Variants in ZZEF1 observed in about 807,000 individuals in gnomAD.
ZZEF1 encodes the protein zinc finger ZZ-type and EF-hand domain containing 1.
Under a neutral mutation model 342.8 loss-of-function variants are expected in ZZEF1, and 157 were observed. The ratio of observed to expected loss-of-function variants is 0.46; its 90% CI spans 0.40 to 0.52. The LOEUF (loss-of-function observed/expected upper bound fraction) is 0.52, where lower values mean the gene tolerates loss of function less well. Among genes scored for constraint, ZZEF1 ranks in the 20% least tolerant of loss-of-function variants. The pLI is 0.00. For synonymous variants in ZZEF1, 1,505 were observed against 1,429.1 expected (o/e 1.05, Z -1.20); for missense variants, 3,480 against 3,725.6 (o/e 0.93, Z 1.72).
intron 30 of ZZEF1, among the ~76,000 whole-genome samples, chr17:4,060,907 T>A (rs190766436): frequency 6.6e-6 from 1 of 152,224 alleles, no homozygotes; most frequent in East Asian, 1.9e-4. Context: ...CTGCAAATTA[T>A]CCCCTCTCTT....
intron 25 of ZZEF1, among the ~76,000 whole-genome samples, chr17:4,071,912 T>TG (rs1450253778): frequency 6.6e-6 from 1 of 151,730 alleles, no homozygotes; most frequent in African/African-American, 2.4e-5. Flanking sequence ...TGGTGGGCTG[T>TG]GGGGAAGGGA....
chr17:4,098,230 A>T (rs1226986586), intron 9 of ZZEF1, among the ~76,000 whole-genome samples: 1 of 121,892 alleles, frequency 8.2e-6, no homozygotes, highest in African/African-American at 3.0e-5. Context: ...TGACAGAGTG[A>T]GACTCCAACT....
chr17:4,076,566 C>T, intron 21 of ZZEF1, 71 bp downstream of exon 21: 1 of 1,554,112 alleles, frequency 6.4e-7, no homozygotes, highest in Admixed American at 1.7e-5. Flanking sequence ...AGTCCGTGGT[C>T]CACTTCACTA....
chr17:4,025,540 G>A (rs1355624619), intron 42 of ZZEF1, among the ~76,000 whole-genome samples: 1 of 152,076 alleles, frequency 6.6e-6, no homozygotes, highest in African/African-American at 2.4e-5. Flanking sequence ...AAATTAGCTA[G>A]GTGTGGTGTC....
At chr17:4,055,883 GAA>G (rs1000663630) in intron 33 of ZZEF1, among the ~76,000 whole-genome samples, 8 of 152,318 alleles carry the variant, frequency 5.3e-5, no homozygotes, top group African/African-American at 1.9e-4. Flanking sequence ...GTTTCGGGAT[GAA>G]ACTGTTCCAC....
Position 4,058,687 on chromosome 17 carries a change from C to A in ZZEF1, c.5003+484G>T, listed in dbSNP as rs187469899. On this transcript the variant is annotated intron_variant, in intron 31 of 54. Coordinates refer to ENST00000381638, the MANE Select transcript of ZZEF1 (RefSeq NM_015113.4). ...CCCAGGAGCTCAAGGCCAGCCTGAG[C>A]AACATGGCAAAATCCCGTTTCTACA... Among the ~76,000 whole-genome samples the A allele has an allele frequency of 8.6e-4, 131 of 152,258 alleles. 1 individual carries two copies. Among genetic ancestry groups the A allele is most frequent in the African/African-American group, 3.0e-3 (125 of 41,544 alleles).
In ZZEF1 at chr17:4,095,920, T is replaced by G; in HGVS notation, c.1824A>C (p.Ser608=). 6.2e-7 allele frequency: 1 copy of G among 1,613,874 alleles called. No homozygotes were observed. The highest frequency in any genetic ancestry group is 1.1e-5 in the South Asian group (1 of 91,054). Residue 608 remains serine (S), a synonymous_variant, in exon 11 of 55, where the codon TCA becomes TCC. Coordinates refer to ENST00000381638, the MANE Select transcript of ZZEF1 (RefSeq NM_015113.4). The part of the protein sequence containing the change: ...CGLVFAYNSS[S]DKFCAEEHFK... ...AGTGTTCTTCCGCACAAAATTTATC[T>G]GAAGATGAGTTATAGGCAAACACCA...
chr17:4,114,192 T>C (rs1327890394), intron 4 of ZZEF1, 107 bp downstream of exon 4: 1 of 863,534 alleles, frequency 1.2e-6, no homozygotes, highest in Non-Finnish European at 1.6e-6. Context: ...TTCATTTTAC[T>C]TGATTCTTAA....
rs368398686 is a variant in ZZEF1, at chr17:4,106,593, A to G, written c.1278-784T>C. 2.2e-4 allele frequency among the ~76,000 whole-genome samples: 34 copies of G among 152,092 alleles called. 1 individual carries two copies. The East Asian group carries it at 4.1e-3, about 18-fold the overall frequency. On this transcript the variant is annotated intron_variant, in intron 6 of 54. Transcript: ENST00000381638. ...AACAGATTAGCACATCACCGTCTCCATTCCTGCCATGTTTCTTGGCCTTTC... is the reference window on the plus strand; with the variant it reads ...AACAGATTAGCACATCACCGTCTCCGTTCCTGCCATGTTTCTTGGCCTTTC...
intron 1 of ZZEF1, among the ~76,000 whole-genome samples, chr17:4,129,166 CAG>C (rs2058625005): frequency 6.6e-6 from 1 of 152,174 alleles, no homozygotes; most frequent in Non-Finnish European, 1.5e-5. Flanking sequence ...TTAGAATACT[CAG>C]AGTTGTGCAA....
At chr17:4,131,219 C>T (rs1039208773) in intron 1 of ZZEF1, among the ~76,000 whole-genome samples, 7 of 152,098 alleles carry the variant, frequency 4.6e-5, no homozygotes, top group African/African-American at 1.4e-4. Flanking sequence ...CCCAGGATGA[C>T]GGAGCTTCTC....
intron 34 of ZZEF1, among the ~76,000 whole-genome samples, chr17:4,053,010 T>TA (rs1257056038): frequency 6.6e-6 from 1 of 152,176 alleles, no homozygotes; most frequent in Non-Finnish European, 1.5e-5. Flanking sequence ...TCATGGACCC[T>TA]AAAGAATGCT....
At chr17:4,117,305 T>TA (rs1181006625) in intron 2 of ZZEF1, 139 bp from the exon 3 acceptor site, 38 of 683,730 alleles carry the variant, frequency 5.6e-5, no homozygotes, top group African/African-American at 2.9e-4. Flanking sequence ...TTTTAATTGT[T>TA]AAAAAATCTA....
intron 40 of ZZEF1, chr17:4,033,254 A>T (rs903577023): frequency 1.9e-5 from 8 of 412,964 alleles, no homozygotes; most frequent in Admixed American, 1.8e-4. Flanking sequence ...GTGTGTGCAC[A>T]TGCACACTCA....
In ZZEF1 at chr17:4,065,828, C is replaced by T. The variant is rs564241237; in HGVS notation, c.4249+619G>A. Among the ~76,000 whole-genome samples, 71 of 152,108 alleles carry T rather than the reference C, an allele frequency of 4.7e-4. 1 individual carries two copies. The South Asian group carries it at 0.015, about 32-fold the overall frequency. On this transcript the variant is annotated intron_variant, in intron 28 of 54. Transcript: ENST00000381638. ...TATTTCACTGAATATTCAGTGTGAG[C>T]ACACTTTAAAATCATAACAAGGCCA...
chr17:4,044,385 A>G lies in ZZEF1; in HGVS notation c.6016-11T>C. 1 of 1,599,944 alleles carries G rather than the reference A, an allele frequency of 6.3e-7. No individual in the cohort carries two copies. The highest frequency in any genetic ancestry group is 8.5e-7 in the Non-Finnish European group (1 of 1,175,078). On this transcript the variant is annotated splice_polypyrimidine_tract_variant and intron_variant, in intron 37 of 54. Coordinates refer to ENST00000381638, the MANE Select transcript of ZZEF1 (RefSeq NM_015113.4). ...AACAGCTCTCTTTCCCTAAAAAAACAAAAGTGTAAAAGAATTAAGGTTTCT... is the reference window on the plus strand; with the variant it reads ...AACAGCTCTCTTTCCCTAAAAAAACGAAAGTGTAAAAGAATTAAGGTTTCT...
rs1447491067 is a variant in ZZEF1, at chr17:4,034,040, T to G, written c.6559A>C (p.Ser2187Arg). The G allele has an allele frequency of 1.2e-6, 2 of 1,614,150 alleles. No individual in the cohort carries two copies. The highest frequency in any genetic ancestry group is 1.7e-6 in the Non-Finnish European group (2 of 1,180,046). The change falls in exon 40 of 55, where the codon AGC (serine) becomes CGC (arginine). Residue 2187 changes from serine (S) to arginine (R), a missense_variant. By Grantham distance (110) the Ser-to-Arg change is moderately radical. This residue lies in a region of ZZEF1 where 1,269 missense variants were observed against 1,342.4 expected (regional missense o/e 0.95). Transcript: ENST00000381638. ...CTGTCCAGACACACAGCTCCCAGGCTAAAGAGCAGGTGGGTGGTTTTCCAG... is the reference window on the plus strand; with the variant it reads ...CTGTCCAGACACACAGCTCCCAGGCGAAAGAGCAGGTGGGTGGTTTTCCAG... ...DGWKTTHLLF[S>R]LGAVCLDSRV...
rs189173399 is a variant in ZZEF1 at position 4,019,457 on chromosome 17, A to G, written c.7505+212T>C. 1.4e-3 allele frequency among the ~76,000 whole-genome samples: 217 copies of G among 152,302 alleles called. 1 individual carries two copies. Among genetic ancestry groups the G allele is most frequent in the African/African-American group, 4.9e-3 (204 of 41,558 alleles). On this transcript the variant is annotated intron_variant, in intron 46 of 54. Transcript: ENST00000381638. ...CTCTCAGAGGCCGACTACAAACATA[A>G]GTTTTAAAGAGGAACCACAGTGCAC... is the stretch of plus-strand genomic sequence containing the variant.
At chr17:4,031,392 A>C (rs892000305) in intron 42 of ZZEF1, among the ~76,000 whole-genome samples, 2 of 152,078 alleles carry the variant, frequency 1.3e-5, no homozygotes, top group Non-Finnish European at 2.9e-5. Context: ...AAGTAAGGAC[A>C]TATAGATTAA....
Sources: gnomAD v4.1 joint callset for allele counts (sites outside exome capture counted in the v4.1 genomes callset) on GRCh38, gnomAD v4.1.1 for gene constraint, gnomAD v4.1.1 regional missense constraint, MANE v1.5 for transcripts, NCBI Gene and HGNC (gene_info 2026-07-23, HGNC 2026-07-21) for gene names.